POLE: variants seen among roughly 807,000 people sequenced by gnomAD.
POLE encodes the protein DNA polymerase epsilon catalytic subunit A.
POLE carries 188 observed loss-of-function variants against 279.2 expected under a neutral mutation model. The ratio of observed to expected loss-of-function variants is 0.67; its 90% CI spans 0.60 to 0.76. The LOEUF is 0.76. Ranked by LOEUF, POLE falls within the 30% of genes least tolerant of loss-of-function variation. The pLI, the probability that POLE is intolerant of heterozygous loss-of-function variation, is 0.00. For synonymous variants in POLE, 1,214 were observed against 1,172.5 expected, an observed-to-expected ratio of 1.04 and a Z score of -0.72; for missense variants, 2,703 against 3,016.7, an observed-to-expected ratio of 0.90 and a Z score of 2.44.
intron 45 of POLE, among the ~76,000 whole-genome samples, chr12:132,629,789 C>T (rs1326502211): frequency 1.3e-5 from 2 of 152,218 alleles, no homozygotes; most frequent in Non-Finnish European, 2.9e-5. Context: ...AGAACCTTTC[C>T]TTTGCAGTTG....
rs1593731043 is a variant in POLE at position 132,642,602 on chromosome 12, T to C, written c.4856A>G (p.Tyr1619Cys). ...ATGGCGCTGCCAGTCCAGGACCCCATAGTTGATCTTGTCAGCCACACAGAT... is the reference window on the plus strand; with the variant it reads ...ATGGCGCTGCCAGTCCAGGACCCCACAGTTGATCTTGTCAGCCACACAGAT... ...VPICVADKIN[Y>C]GVLDWQRHGA... The change falls in exon 37 of 49, where the codon TAT (tyrosine) becomes TGT (cysteine). Residue 1619 changes from tyrosine (Y) to cysteine (C), a missense_variant. Coordinates refer to ENST00000320574, the MANE Select transcript of POLE (RefSeq NM_006231.4). 1.9e-6 allele frequency: 3 copies of C among 1,613,530 alleles called. No individual in the cohort carries two copies. The highest frequency in any genetic ancestry group is 1.1e-5 in the South Asian group (1 of 91,084).
At chr12:132,669,534 AT>A (rs1166979618) in intron 16 of POLE, among the ~76,000 whole-genome samples, 1 of 152,224 alleles carries the variant, frequency 6.6e-6, no homozygotes, top group Non-Finnish European at 1.5e-5. Flanking sequence ...CACACCTAAA[AT>A]TTTAAGAAAA....
chr12:132,638,137 A>T lies in POLE; in HGVS notation c.5555T>A (p.Leu1852His), dbSNP rs2138502627. 1 of 1,613,660 alleles carries T rather than the reference A, an allele frequency of 6.2e-7. No individual in the cohort carries two copies. Among genetic ancestry groups the T allele is most frequent in the East Asian group, 2.2e-5 (1 of 44,858 alleles). The change falls in exon 41 of 49, where the codon CTC becomes CAC. Residue 1852 changes from leucine (L) to histidine (H), a missense_variant and splice_region_variant. Physicochemically the swap from Leu to His is moderately conservative, Grantham distance 99. Transcript: ENST00000320574. ...HNMMKKLFLQ[L>H]IAEFKRLGSS... is the part of the protein sequence containing the mutation. ...CCCCAGGCGCTTGAACTCAGCGATG[A>T]GCCTGTGGAGCAAGTTGAGAGTCCG...
Position 132,632,748 on chromosome 12 carries a change from T to G in POLE, c.6052A>C (p.Ser2018Arg), listed in dbSNP as rs759996788. The G allele has an allele frequency of 1.9e-6, 3 of 1,612,934 alleles. No individual in the cohort carries two copies. The highest frequency in any genetic ancestry group is 1.3e-5 in the African/African-American group (1 of 74,914). ...CTCACGGGGGTGCTCCCTGGAGCAC[T>G]GCGCCTCAGCCCGTCCTTCATGCAG... Reference protein sequence around the residue: ...YHCMKDGLRRSAPGSTPVRRR... With the variant: ...YHCMKDGLRRRAPGSTPVRRR... The change falls in exon 44 of 49, where the codon AGT (serine) becomes CGT (arginine). Residue 2018 changes from serine (S) to arginine (R), a missense_variant. This residue lies in a region of POLE where 1,551 missense variants were observed against 1,686.1 expected (regional missense o/e 0.92). Transcript: ENST00000320574.
chr12:132,647,631 T>C (rs894036170), intron 32 of POLE, among the ~76,000 whole-genome samples: 2 of 151,908 alleles, frequency 1.3e-5, no homozygotes, highest in African/African-American at 4.8e-5. Flanking sequence ...GCTGACACCA[T>C]CCAGTCAAAC....
intron 6 of POLE, among the ~76,000 whole-genome samples, chr12:132,678,447 CA>C (rs1412582215): frequency 6.6e-6 from 1 of 151,786 alleles, no homozygotes; most frequent in Non-Finnish European, 1.5e-5. Flanking sequence ...GCATGGGGTA[CA>C]CACCTGTGAT....
chr12:132,650,871 C>CTTTTTT (rs1565947784), intron 29 of POLE: 1 of 65,232 alleles, frequency 1.5e-5, no homozygotes, highest in African/African-American at 4.9e-5. Context: ...CAACTTGTTT[C>CTTTTTT]CTTTTTTTTT....
intron 29 of POLE, among the ~76,000 whole-genome samples, chr12:132,653,341 C>T (rs1376901936): frequency 6.6e-6 from 1 of 152,206 alleles, no homozygotes; most frequent in East Asian, 1.9e-4. Context: ...TGCCACCGCA[C>T]TCTAGCCTGG....
In POLE at chr12:132,625,034, G is replaced by A. The variant is rs765169444; in HGVS notation, c.6658-40C>T. ...CCCCGATGGGCGCCAGCCCTCCCGCGCTGGCCAGACCTGCCTGCTGCTTCT... is the reference window on the plus strand; with the variant it reads ...CCCCGATGGGCGCCAGCCCTCCCGCACTGGCCAGACCTGCCTGCTGCTTCT... On this transcript the variant is annotated intron_variant, in intron 47 of 48. Coordinates refer to ENST00000320574, the MANE Select transcript of POLE (RefSeq NM_006231.4). 16 of 1,506,518 alleles carry A rather than the reference G, an allele frequency of 1.1e-5. No homozygotes were observed. The highest frequency in any genetic ancestry group is 4.5e-5 in the East Asian group (2 of 44,200). 93.3% of individuals were successfully genotyped at this position (1,506,518 alleles called of 1,614,324 possible). A position where few individuals can be genotyped will look rare whatever the true frequency, so the allele number is the denominator to read the frequency against.
intron 29 of POLE, chr12:132,651,557 C>T (rs1039586396): frequency 6.6e-6 from 1 of 152,336 alleles, no homozygotes; most frequent in African/African-American, 2.4e-5. Context: ...TGGCCCTGTG[C>T]AGGCAGCTCC....
chr12:132,642,751 G>GA, intron 36 of POLE, 22 bp from the exon 37 acceptor site: 1 of 1,613,486 alleles, frequency 6.2e-7, no homozygotes, highest in South Asian at 1.1e-5. Flanking sequence ...CAAAATGGAA[G>GA]AAAAGACCTG....
At position 132,668,749 on chromosome 12, in the gene POLE, G is replaced by A. The variant is rs748625378; in HGVS notation, c.1924-12C>T. ...ACCATGGCAGAGGGCTGGGAGGGGT[G>A]AGAAAGCACTTAGGGCTGGGCAGAG... is the stretch of plus-strand genomic sequence containing the variant. On this transcript the variant is annotated splice_polypyrimidine_tract_variant and intron_variant, in intron 17 of 48. Coordinates refer to ENST00000320574, the MANE Select transcript of POLE (RefSeq NM_006231.4). The surrounding 1 kb of genome is among the most constrained non-coding windows in gnomAD (Gnocchi z 4.0). The A allele has an allele frequency of 1.2e-5, 19 of 1,613,800 alleles. No homozygotes were observed. In the South Asian group the frequency reaches 2.0e-4, roughly 17 times the overall value.
intron 43 of POLE, chr12:132,633,702 C>G (rs2138470548): frequency 6.4e-6 from 1 of 155,050 alleles, no homozygotes; most frequent in Non-Finnish European, 1.4e-5. Flanking sequence ...ACCTGCATAG[C>G]TTGATTTGCA....
chr12:132,673,427 AC>A (rs2135997821), intron 13 of POLE, 147 bp downstream of exon 13: 2 of 1,279,654 alleles, frequency 1.6e-6, no homozygotes, highest in South Asian at 2.6e-5. Context: ...TCCCGGAGAC[AC>A]AGCCTGCTGG....
At position 132,649,080 on chromosome 12, in the gene POLE, G is replaced by C. The variant is rs745486661; in HGVS notation, c.4006-8C>G. On this transcript the variant is annotated splice_region_variant and splice_polypyrimidine_tract_variant and intron_variant, in intron 31 of 48. Transcript: ENST00000320574. ...CTGGCTGGTCTCGCTGATCTGAAAGGCCACACGGACATACAGCACATCACA... is the reference window on the plus strand; with the variant it reads ...CTGGCTGGTCTCGCTGATCTGAAAGCCCACACGGACATACAGCACATCACA... The C allele has an allele frequency of 6.2e-7, 1 of 1,609,904 alleles. No individual in the cohort carries two copies. The highest frequency in any genetic ancestry group is 2.2e-5 in the East Asian group (1 of 44,854).
Position 132,632,715 on chromosome 12 carries a change from C to CT in POLE, c.6084_6085insA (p.Gly2029ArgfsTer30). ...GCCTCCTGGGAGAGCTGGCTGGCCC[C>CT]CCTCCTCCTCACGGGGGTGCTCCCT... On this transcript the variant is annotated frameshift_variant, in exon 44 of 49. Coordinates refer to ENST00000320574, the MANE Select transcript of POLE (RefSeq NM_006231.4). LOFTEE classifies it high-confidence loss of function. The CT allele has an allele frequency of 6.2e-7, 1 of 1,613,858 alleles. No homozygotes were observed. Among genetic ancestry groups the CT allele is most frequent in the Non-Finnish European group, 8.5e-7 (1 of 1,179,986 alleles).
At chr12:132,645,623 C>T (rs796754953) in intron 32 of POLE, among the ~76,000 whole-genome samples, 51 of 152,272 alleles carry the variant, frequency 3.3e-4, no homozygotes, top group African/African-American at 1.2e-3. Flanking sequence ...AAACCTGACA[C>T]GCTAAAGGAT....
intron 19 of POLE, among the ~76,000 whole-genome samples, 183 bp from the exon 20 acceptor site, chr12:132,667,831 C>T (rs1350142733): frequency 3.3e-5 from 5 of 152,162 alleles, no homozygotes; most frequent in African/African-American, 1.2e-4. Context: ...CCTGTAATCC[C>T]AGCACTTTGG....
chr12:132,636,084 T>G, intron 41 of POLE, 60 bp from the exon 42 acceptor site: 3 of 1,560,692 alleles, frequency 1.9e-6, no homozygotes, highest in East Asian at 2.3e-5. Flanking sequence ...TCAACTTTCC[T>G]TTATTTCCCC....
Sources: gnomAD v4.1 joint callset for allele counts (sites outside exome capture counted in the v4.1 genomes callset) on GRCh38, gnomAD v4.1.1 for gene constraint, gnomAD v4.1.1 regional missense constraint, Gnocchi (gnomAD v3.1) non-coding constraint, MANE v1.5 for transcripts, NCBI Gene and HGNC (gene_info 2026-07-23, HGNC 2026-07-21) for gene names.